Variants in LRRC47 observed in about 807,000 individuals in gnomAD.
LRRC47 encodes leucine rich repeat containing 47.
Under a neutral mutation model 40.9 loss-of-function variants are expected in LRRC47, and 31 were observed. That is an observed-to-expected ratio of 0.76 (90% CI 0.57 to 1.02). LRRC47 has a LOEUF of 1.02. LRRC47 is among the 50% of genes least tolerant of loss of function. LRRC47 has a pLI of 0.00. For synonymous variants in LRRC47, 427 were observed against 371.9 expected, an observed-to-expected ratio of 1.15 and a Z score of -1.70; for missense variants, 726 against 796.1, an observed-to-expected ratio of 0.91 and a Z score of 1.06.
At position 3,781,196 on chromosome 1, in the gene LRRC47, C is replaced by A; in HGVS notation, c.1644G>T (p.Leu548=). The change falls in exon 7 of 7, where the codon CTG becomes CTT. Residue 548 remains leucine, a synonymous_variant. Coordinates refer to ENST00000378251, the MANE Select transcript of LRRC47 (RefSeq NM_020710.3). ...PSAGKDGPSL[L]VVEQVRVVDL... ...CCACCACCCGGACCTGCTCCACCACCAGAAGGGAGGGCCCGTCCTTTCCAG... is the reference window on the plus strand; with the variant it reads ...CCACCACCCGGACCTGCTCCACCACAAGAAGGGAGGGCCCGTCCTTTCCAG... 6.2e-7 allele frequency: 1 copy of A among 1,614,158 alleles called. No individual in the cohort carries two copies. The highest frequency in any genetic ancestry group is 1.3e-5 in the African/African-American group (1 of 75,028).
rs1453095756 is a variant in LRRC47, at chr1:3,794,914, C to T, written c.615+948G>A. Among the ~76,000 whole-genome samples the T allele has an allele frequency of 4.0e-5, 6 of 151,472 alleles. No homozygotes were observed. The East Asian group carries it at 7.9e-4, about 20-fold the overall frequency. On this transcript the variant is annotated intron_variant, in intron 1 of 6. Coordinates refer to ENST00000378251, the MANE Select transcript of LRRC47 (RefSeq NM_020710.3). ...ACTAAAAACACAAAAGTTAGCCGGG[C>T]GTGGTGGTGTGCGCCTGTAAGCCCA...
At chr1:3,786,450 A>G (rs1168553767) in intron 2 of LRRC47, among the ~76,000 whole-genome samples, 2 of 152,246 alleles carry the variant, frequency 1.3e-5, no homozygotes, top group East Asian at 3.9e-4. Flanking sequence ...CAGTGAGATT[A>G]GACTGCGCCA....
intron 1 of LRRC47, among the ~76,000 whole-genome samples, chr1:3,788,601 G>A (rs1643599032): frequency 6.6e-6 from 1 of 152,118 alleles, no homozygotes; most frequent in South Asian, 2.1e-4. Context: ...CCCAAGTTGT[G>A]AAGGAAATGA....
chr1:3,794,296 C>G (rs1643653873), intron 1 of LRRC47, among the ~76,000 whole-genome samples: 1 of 152,204 alleles, frequency 6.6e-6, no homozygotes, highest in African/African-American at 2.4e-5. Context: ...GATAAATCAG[C>G]TCTATCCGGG....
chr1:3,781,645 T>C, intron 5 of LRRC47, 44 bp from the exon 6 acceptor site: 1 of 1,493,874 alleles, frequency 6.7e-7, no homozygotes, highest in Non-Finnish European at 9.2e-7. Flanking sequence ...TTATCAAATG[T>C]AGACATCAGC....
At chr1:3,790,208 T>C (rs972159037) in intron 1 of LRRC47, among the ~76,000 whole-genome samples, 2 of 152,106 alleles carry the variant, frequency 1.3e-5, no homozygotes, top group Non-Finnish European at 2.9e-5. Flanking sequence ...AACTTCATGG[T>C]GGTGACAGGC....
intron 1 of LRRC47, among the ~76,000 whole-genome samples, chr1:3,789,813 C>T (rs930566128): frequency 8.5e-5 from 13 of 152,220 alleles, no homozygotes; most frequent in Admixed American, 2.0e-4. Context: ...CGAGGTCGCA[C>T]GCTGGCCCCT....
intron 4 of LRRC47, 100 bp from the exon 5 acceptor site, chr1:3,782,863 G>C: frequency 2.6e-6 from 2 of 771,736 alleles, no homozygotes; most frequent in South Asian, 2.9e-5. Flanking sequence ...AGGAGGCTGA[G>C]ACAGGAGGGC....
intron 1 of LRRC47, among the ~76,000 whole-genome samples, chr1:3,793,336 G>C (rs535513122): frequency 6.6e-6 from 1 of 152,102 alleles, no homozygotes; most frequent in Non-Finnish European, 1.5e-5. Context: ...CAGGTGATCC[G>C]CCTGCCTCAG....
At position 3,784,196 on chromosome 1, in the gene LRRC47, G is replaced by A. The variant is rs893104360; in HGVS notation, c.1195-85C>T. The A allele has an allele frequency of 7.1e-6, 8 of 1,118,958 alleles. 1 individual carries two copies. Among genetic ancestry groups the A allele is most frequent in the Admixed American group, 6.1e-5 (3 of 49,126 alleles). The allele number at this position is 1,118,958 out of a possible 1,614,324, so 69.3% of individuals were successfully genotyped here. A position where few individuals can be genotyped will look rare whatever the true frequency, so the allele number is the denominator to read the frequency against. On this transcript the variant is annotated intron_variant, in intron 3 of 6. Transcript: ENST00000378251. ...GTCGATTACGGCCTTAAGCCTCAATGAGCCCTCCCGACTCCCGCCCTCATT... is the reference window on the plus strand; with the variant it reads ...GTCGATTACGGCCTTAAGCCTCAATAAGCCCTCCCGACTCCCGCCCTCATT...
At chr1:3,790,192 G>A (rs1643613897) in intron 1 of LRRC47, among the ~76,000 whole-genome samples, 1 of 152,214 alleles carries the variant, frequency 6.6e-6, no homozygotes, top group African/African-American at 2.4e-5. Context: ...GCCGGGGAAG[G>A]ATCCTAACTT....
Position 3,780,852 on chromosome 1 carries a change from T to C in LRRC47, c.*236A>G. On this transcript the variant is annotated 3_prime_UTR_variant, in exon 7 of 7. Coordinates refer to ENST00000378251, the MANE Select transcript of LRRC47 (RefSeq NM_020710.3). Reference sequence around the variant, plus strand: ...TTAGCTGAGCTTAGTGGCACACACCTGTAGTCCCAGCTACTTGGGAGGCTG... The same window carrying C: ...TTAGCTGAGCTTAGTGGCACACACCCGTAGTCCCAGCTACTTGGGAGGCTG... 1 of 561,220 alleles carries C rather than the reference T, an allele frequency of 1.8e-6. No individual in the cohort carries two copies. The highest frequency in any genetic ancestry group is 2.1e-5 in the South Asian group (1 of 46,958). The allele number at this position is 561,220 out of a possible 1,614,324, so 34.8% of individuals were successfully genotyped here.
chr1:3,787,155 G>A lies in LRRC47; in HGVS notation c.771C>T (p.Tyr257=), dbSNP rs1157523230. ...CGCCACCACGGCCTCCGACGCGCAG[G>A]TACTCCAGGATGGATCTGGTCTGGC... ...SGCQTRSILE[Y]LRVGGRGGGK... is the part of the protein sequence containing the mutation. Residue 257 remains tyrosine (Y), a synonymous_variant, in exon 2 of 7, where the codon TAC becomes TAT. Transcript: ENST00000378251. 6 of 1,613,686 alleles carry A rather than the reference G, an allele frequency of 3.7e-6. No homozygotes were observed. In the Admixed American group the frequency reaches 5.0e-5, roughly 13 times the overall value.
At position 3,796,346 on chromosome 1, in the gene LRRC47, G is replaced by A. The variant is rs866995567; in HGVS notation, c.131C>T (p.Pro44Leu). ...CAGCAGCGGCAGGGTGAAAAGCCGC[G>A]GCGGCAGCTGCCCACCCGCCGCCCG... is the stretch of plus-strand genomic sequence containing the variant. ...RVRAAGGQLP[P>L]RLFTLPLLHY... The change falls in exon 1 of 7, where the codon CCG becomes CTG. Residue 44 changes from proline (P) to leucine (L), a missense_variant. By Grantham distance (98) the Pro-to-Leu change is moderately conservative. Transcript: ENST00000378251. The A allele has an allele frequency of 2.7e-6, 4 of 1,508,826 alleles. No individual in the cohort carries two copies. In the East Asian group the frequency reaches 1.1e-4, roughly 40 times the overall value. 93.5% of individuals were successfully genotyped at this position (1,508,826 alleles called of 1,614,324 possible).
chr1:3,787,225 C>T lies in LRRC47; in HGVS notation c.701G>A (p.Gly234Glu), dbSNP rs1643584419. The T allele has an allele frequency of 6.2e-7, 1 of 1,613,790 alleles. No individual in the cohort carries two copies. Among genetic ancestry groups the T allele is most frequent in the South Asian group, 1.1e-5 (1 of 91,088 alleles). Reference protein sequence around the residue: ...CPKLKEINFRGNKLRDKRLEK... With the variant: ...CPKLKEINFRENKLRDKRLEK... ...CAGGCGCTTGTCCCTCAGCTTGTTC[C>T]CACGGAAATTGATCTCCTTGAGCTT... is the stretch of plus-strand genomic sequence containing the variant. Residue 234 changes from glycine to glutamate, a missense_variant, in exon 2 of 7, where the codon GGG (glycine) becomes GAG (glutamate). By Grantham distance (98) the Gly-to-Glu change is moderately conservative. Coordinates refer to ENST00000378251, the MANE Select transcript of LRRC47 (RefSeq NM_020710.3).
At position 3,796,497 on chromosome 1, in the gene LRRC47, G is replaced by A. The variant is rs1256523820; in HGVS notation, c.-21C>T. On this transcript the variant is annotated 5_prime_UTR_variant, in exon 1 of 7. Transcript: ENST00000378251. Reference sequence around the variant, plus strand: ...GCCATGGCGCCTCAGCTGCTGGCAGGCACCCACCCACCAGGGTGCTTCCGG... The same window carrying A: ...GCCATGGCGCCTCAGCTGCTGGCAGACACCCACCCACCAGGGTGCTTCCGG... The A allele has an allele frequency of 4.0e-6, 6 of 1,492,602 alleles. No individual in the cohort carries two copies. The highest frequency in any genetic ancestry group is 5.3e-6 in the Non-Finnish European group (6 of 1,130,420). The allele number at this position is 1,492,602 out of a possible 1,614,324, so 92.5% of individuals were successfully genotyped here.
chr1:3,790,757 C>T (rs929561651), intron 1 of LRRC47, among the ~76,000 whole-genome samples: 62 of 152,370 alleles, frequency 4.1e-4, no homozygotes, highest in Admixed American at 4.1e-3. Context: ...AGGGTCAGGG[C>T]CTTTGCACTG....
At chr1:3,791,323 T>G (rs1643624601) in intron 1 of LRRC47, among the ~76,000 whole-genome samples, 1 of 152,236 alleles carries the variant, frequency 6.6e-6, no homozygotes, top group African/African-American at 2.4e-5. Flanking sequence ...TCTCTTTCCC[T>G]CTTCGTGTAC....
chr1:3,782,259 C>T (rs964580696), intron 5 of LRRC47, among the ~76,000 whole-genome samples: 2 of 151,586 alleles, frequency 1.3e-5, no homozygotes, highest in African/African-American at 2.4e-5. Context: ...CTCTTGTTGC[C>T]CAGGCTGGAG....
Sources: allele counts gnomAD v4.1 joint callset (sites outside exome capture counted in the v4.1 genomes callset), GRCh38; gene constraint gnomAD v4.1.1; transcripts MANE v1.5; gene names NCBI Gene and HGNC (gene_info 2026-07-23, HGNC 2026-07-21).